ZBTB20: variants seen among roughly 807,000 people sequenced by gnomAD.
ZBTB20 encodes the protein zinc finger and BTB domain-containing protein 20.
ZBTB20 carries 9 observed loss-of-function variants against 56.9 expected under a neutral mutation model. The ratio of observed to expected loss-of-function variants is 0.16; its 90% CI spans 0.10 to 0.28. The LOEUF is 0.28. ZBTB20 is among the 10% of genes least tolerant of loss of function. The probability of loss-of-function intolerance (pLI) is 1.00; values close to 1 mark genes in which losing one functional copy is unlikely to be tolerated. For synonymous variants in ZBTB20, 417 were observed against 420.7 expected (o/e 0.99, Z 0.11); for missense variants, 655 against 1,003.0 (o/e 0.65, Z 4.69).
At chr3:114,908,144 T>C (rs1327319077) in intron 3 of ZBTB20, among the ~76,000 whole-genome samples, 4 of 151,914 alleles carry the variant, frequency 2.6e-5, no homozygotes, top group African/African-American at 9.7e-5. Context: ...TCTATTAAAA[T>C]ATAAAGGTAT....
chr3:114,924,859 TG>T (rs1468967578), intron 3 of ZBTB20, among the ~76,000 whole-genome samples: 1 of 152,088 alleles, frequency 6.6e-6, no homozygotes, highest in African/African-American at 2.4e-5. Flanking sequence ...TAATTTCTAT[TG>T]ATCTATCTTT....
chr3:114,555,479 C>A (rs181673698), intron 6 of ZBTB20, among the ~76,000 whole-genome samples: 1 of 152,136 alleles, frequency 6.6e-6, no homozygotes, highest in East Asian at 1.9e-4. Flanking sequence ...ATATTTCCCC[C>A]ATAGAAACGA....
chr3:114,520,691 T>C (rs997844780), intron 6 of ZBTB20, among the ~76,000 whole-genome samples: 2 of 152,142 alleles, frequency 1.3e-5, no homozygotes, highest in Non-Finnish European at 2.9e-5. Context: ...TAAATACCTT[T>C]CAAATCTGTA....
At chr3:114,958,045 C>T (rs2107953993) in intron 3 of ZBTB20, among the ~76,000 whole-genome samples, 1 of 152,326 alleles carries the variant, frequency 6.6e-6, no homozygotes, top group East Asian at 1.9e-4. Flanking sequence ...AAAATGAACT[C>T]ATCTCCATTT....
chr3:114,909,395 A>T (rs1275086550), intron 3 of ZBTB20, among the ~76,000 whole-genome samples: 1 of 152,118 alleles, frequency 6.6e-6, no homozygotes, highest in African/African-American at 2.4e-5. Flanking sequence ...AAGTTAAAAA[A>T]TATGTTTATA....
chr3:114,841,565 A>G (rs1201059162), intron 4 of ZBTB20, among the ~76,000 whole-genome samples: 3 of 152,206 alleles, frequency 2.0e-5, no homozygotes, highest in Admixed American at 6.6e-5. Context: ...GATTGAACAG[A>G]TTAAGGACAT....
At chr3:114,881,947 T>C (rs2076415112) in intron 4 of ZBTB20, among the ~76,000 whole-genome samples, 1 of 151,850 alleles carries the variant, frequency 6.6e-6, no homozygotes, top group Admixed American at 6.6e-5. Flanking sequence ...TAAGAAGTTT[T>C]CTAAGCCATA....
At chr3:114,681,451 A>G (rs2061970182) in intron 6 of ZBTB20, among the ~76,000 whole-genome samples, 1 of 152,178 alleles carries the variant, frequency 6.6e-6, no homozygotes, top group South Asian at 2.1e-4. Flanking sequence ...GTGAGCCACC[A>G]CGCCCAGCCT....
At chr3:115,052,417 G>A (rs1413885569) in intron 2 of ZBTB20, among the ~76,000 whole-genome samples, 7 of 151,672 alleles carry the variant, frequency 4.6e-5, no homozygotes, top group South Asian at 4.2e-4. Flanking sequence ...AAATTGCACC[G>A]GTGCACTCCA....
intron 1 of ZBTB20, among the ~76,000 whole-genome samples, chr3:115,082,128 T>G (rs2082818113): frequency 6.6e-6 from 1 of 152,222 alleles, no homozygotes; most frequent in African/African-American, 2.4e-5. Context: ...TGATCAGGGT[T>G]TCACCCATTT....
intron 5 of ZBTB20, among the ~76,000 whole-genome samples, chr3:114,731,933 G>A (rs1356475344): frequency 6.7e-6 from 1 of 149,380 alleles, no homozygotes; most frequent in African/African-American, 2.4e-5. Flanking sequence ...GCTGTGCCTA[G>A]ATTAGTTACT....
At chr3:114,907,723 G>A (rs1267280323) in intron 3 of ZBTB20, among the ~76,000 whole-genome samples, 1 of 151,824 alleles carries the variant, frequency 6.6e-6, no homozygotes, top group Non-Finnish European at 1.5e-5. Context: ...ACAACCATTG[G>A]ATATTTCATT....
chr3:114,859,924 G>A (rs928943258), intron 4 of ZBTB20, among the ~76,000 whole-genome samples: 3 of 152,084 alleles, frequency 2.0e-5, no homozygotes, highest in African/African-American at 4.8e-5. Flanking sequence ...CAGAATAAAT[G>A]ACTAACCCAA....
intron 5 of ZBTB20, among the ~76,000 whole-genome samples, chr3:114,699,464 T>C (rs145427030): frequency 2.0e-5 from 3 of 152,078 alleles, no homozygotes; most frequent in African/African-American, 7.2e-5. Context: ...AAAAAAAAAT[T>C]CTGGTTTAGA....
intron 4 of ZBTB20, among the ~76,000 whole-genome samples, chr3:114,836,511 T>C (rs2074126336): frequency 6.6e-6 from 1 of 152,196 alleles, no homozygotes; most frequent in Admixed American, 6.5e-5. Flanking sequence ...AACAGAACTC[T>C]GGTTTCCCTA....
At chr3:114,774,439 A>C (rs1172192954) in intron 5 of ZBTB20, among the ~76,000 whole-genome samples, 1 of 152,174 alleles carries the variant, frequency 6.6e-6, no homozygotes, top group Non-Finnish European at 1.5e-5. Context: ...GCAGGATAGA[A>C]ATGGCCACGT....
At chr3:114,345,352 T>C (rs1041697890) in intron 11 of ZBTB20, among the ~76,000 whole-genome samples, 1 of 152,184 alleles carries the variant, frequency 6.6e-6, no homozygotes, top group Non-Finnish European at 1.5e-5. Context: ...TACATGATGA[T>C]ATGAATAATA....
chr3:114,721,810 G>A (rs929502120), intron 5 of ZBTB20, among the ~76,000 whole-genome samples: 1 of 152,062 alleles, frequency 6.6e-6, no homozygotes, highest in African/African-American at 2.4e-5. Context: ...TGGGATTCTT[G>A]GGATTCTCAA....
At chr3:114,721,417 G>A (rs1412038865) in intron 5 of ZBTB20, among the ~76,000 whole-genome samples, 1 of 152,148 alleles carries the variant, frequency 6.6e-6, no homozygotes, top group Admixed American at 6.5e-5. Context: ...GACTTCGGTA[G>A]TGTCAGCAGA....
Sources: allele counts gnomAD v4.1 joint callset (sites outside exome capture counted in the v4.1 genomes callset), GRCh38; gene constraint gnomAD v4.1.1; transcripts MANE v1.5; gene names NCBI Gene and HGNC (gene_info 2026-07-23, HGNC 2026-07-21).